TAFA4: variants seen among roughly 807,000 people sequenced by gnomAD.
TAFA4 encodes TAFA chemokine like family member 4.
TAFA4 carries 20 observed loss-of-function variants against 21.1 expected under a neutral mutation model. The ratio of observed to expected loss-of-function variants is 0.95; its 90% CI spans 0.67 to 1.38. TAFA4 has a LOEUF of 1.38. Ranked by LOEUF, TAFA4 falls within the 40% of genes most tolerant of loss-of-function variation. TAFA4 has a pLI of 0.00. For synonymous variants in TAFA4, 71 were observed against 67.4 expected, an observed-to-expected ratio of 1.05 and a Z score of -0.26; for missense variants, 211 against 180.9, an observed-to-expected ratio of 1.17 and a Z score of -0.95.
At chr3:68,847,459 CG>C (rs1475835581) in intron 3 of TAFA4, among the ~76,000 whole-genome samples, 3 of 152,206 alleles carry the variant, frequency 2.0e-5, no homozygotes, top group African/African-American at 7.2e-5. Flanking sequence ...TGGGCTCTGT[CG>C]GGGTGGGATC....
At chr3:68,783,709 A>G (rs59560372) in intron 3 of TAFA4, among the ~76,000 whole-genome samples, 5,318 of 68,430 alleles carry the variant, frequency 0.078, 174 homozygotes, top group Non-Finnish European at 0.1. Context: ...GAGAGAGAGA[A>G]AGAAAAAGAA....
chr3:68,805,914 C>T (rs1703688201), intron 3 of TAFA4, among the ~76,000 whole-genome samples: 1 of 151,876 alleles, frequency 6.6e-6, no homozygotes, highest in Admixed American at 6.6e-5. Flanking sequence ...ACGTAACAAA[C>T]CTGCACATTG....
At chr3:68,807,435 T>G (rs897508164) in intron 3 of TAFA4, among the ~76,000 whole-genome samples, 1 of 152,240 alleles carries the variant, frequency 6.6e-6, no homozygotes, top group East Asian at 1.9e-4. Flanking sequence ...TGGCCACAAG[T>G]AGACATTTTT....
At chr3:68,825,019 G>A (rs1704196198) in intron 3 of TAFA4, among the ~76,000 whole-genome samples, 2 of 152,128 alleles carry the variant, frequency 1.3e-5, no homozygotes, top group South Asian at 4.1e-4. Context: ...GGATATGCAG[G>A]TTTGTTACAT....
rs578187527 is a variant in TAFA4, at chr3:68,809,880, G to A, written c.131-56862C>T. 2.6e-5 allele frequency among the ~76,000 whole-genome samples: 4 copies of A among 152,276 alleles called. No homozygotes were observed. In the East Asian group the frequency reaches 7.7e-4, roughly 29 times the overall value. On this transcript the variant is annotated intron_variant, in intron 3 of 5. Coordinates refer to ENST00000295569, the MANE Select transcript of TAFA4 (RefSeq NM_182522.5). ...TCAAAAATCATTGGTCCGTAAATGT[G>A]TGGATTTATTTCTGGGCACTTTATT...
At chr3:68,744,068 T>G (rs892511174) in intron 4 of TAFA4, among the ~76,000 whole-genome samples, 2 of 152,208 alleles carry the variant, frequency 1.3e-5, no homozygotes, top group Non-Finnish European at 2.9e-5. Flanking sequence ...TTACATAGAA[T>G]TAGAGCTGAA....
chr3:68,910,139 G>C (rs144611955), intron 1 of TAFA4, among the ~76,000 whole-genome samples: 2 of 152,208 alleles, frequency 1.3e-5, no homozygotes, highest in Admixed American at 1.3e-4. Context: ...CAGCTAGCAA[G>C]GCAGAGTTTT....
chr3:68,844,716 T>C (rs1704745123), intron 3 of TAFA4, among the ~76,000 whole-genome samples: 2 of 152,232 alleles, frequency 1.3e-5, no homozygotes, highest in Non-Finnish European at 2.9e-5. Context: ...TGGAATGTTG[T>C]GTCTTTGTTC....
chr3:68,771,781 T>A (rs1702963089), intron 3 of TAFA4, among the ~76,000 whole-genome samples: 1 of 152,230 alleles, frequency 6.6e-6, no homozygotes, highest in Non-Finnish European at 1.5e-5. Flanking sequence ...TGCCACAGCA[T>A]AATGAATGCT....
intron 4 of TAFA4, among the ~76,000 whole-genome samples, chr3:68,748,988 T>C (rs904923812): frequency 2.0e-5 from 3 of 152,198 alleles, no homozygotes; most frequent in African/African-American, 7.2e-5. Flanking sequence ...GTTTCCACCA[T>C]AAAACAGACC....
chr3:68,884,337 C>T (rs935129913), intron 2 of TAFA4, among the ~76,000 whole-genome samples: 5 of 152,138 alleles, frequency 3.3e-5, no homozygotes, highest in Admixed American at 6.5e-5. Flanking sequence ...CATTTCTCCC[C>T]GCCTTCTCTG....
At chr3:68,822,596 C>T (rs541867886) in intron 3 of TAFA4, among the ~76,000 whole-genome samples, 7 of 152,266 alleles carry the variant, frequency 4.6e-5, no homozygotes, top group South Asian at 2.1e-4. Context: ...CTCGGCCTCC[C>T]GAGTAGCCTG....
At chr3:68,775,254 T>C (rs548857764) in intron 3 of TAFA4, among the ~76,000 whole-genome samples, 1 of 152,258 alleles carries the variant, frequency 6.6e-6, no homozygotes, top group South Asian at 2.1e-4. Flanking sequence ...ATGAGAAAGC[T>C]TGGGGACAGT....
intron 3 of TAFA4, among the ~76,000 whole-genome samples, chr3:68,869,344 T>C (rs1430197325): frequency 6.6e-6 from 1 of 151,962 alleles, no homozygotes; most frequent in African/African-American, 2.4e-5. Flanking sequence ...AGAGGTAATA[T>C]GTGCAAATTC....
chr3:68,874,351 T>C (rs1461206614), intron 3 of TAFA4, among the ~76,000 whole-genome samples: 1 of 152,172 alleles, frequency 6.6e-6, no homozygotes, highest in Non-Finnish European at 1.5e-5. Flanking sequence ...GACCAAAATA[T>C]TTAAAGCATC....
chr3:68,784,038 T>A (rs2106801511), intron 3 of TAFA4, among the ~76,000 whole-genome samples: 1 of 152,218 alleles, frequency 6.6e-6, no homozygotes, highest in African/African-American at 2.4e-5. Flanking sequence ...GTTTTAAAAA[T>A]CAATTAAGAA....
rs1348018956 is a variant in TAFA4, at chr3:68,873,333, G to GACACACACACACACACAC, written c.130+7396_130+7397insGTGTGTGTGTGTGTGTGT. On this transcript the variant is annotated intron_variant, in intron 3 of 5. Transcript: ENST00000295569. The stretch of plus-strand genomic sequence containing the variant: ...CACACACAACAGACAGACACACGCA[G>GACACACACACACACACAC]ACATACACACACACACACACACACA... Among the ~76,000 whole-genome samples the GACACACACACACACACAC allele has an allele frequency of 5.3e-4, 25 of 46,958 alleles. No individual in the cohort carries two copies. The East Asian group carries it at 0.012, about 23-fold the overall frequency. 30.8% of individuals were successfully genotyped at this position (46,958 alleles called of 152,430 possible).
At chr3:68,763,323 C>A (rs1702789886) in intron 3 of TAFA4, among the ~76,000 whole-genome samples, 1 of 152,108 alleles carries the variant, frequency 6.6e-6, no homozygotes, top group South Asian at 2.1e-4. Context: ...CCCTGAAAAG[C>A]CATGTAGCAA....
chr3:68,791,694 C>G (rs1006727903), intron 3 of TAFA4, among the ~76,000 whole-genome samples: 4 of 152,184 alleles, frequency 2.6e-5, no homozygotes, highest in African/African-American at 7.2e-5. Flanking sequence ...GTGCCTCACT[C>G]TCTTGTCATG....
Sources: gnomAD v4.1 joint callset for allele counts (sites outside exome capture counted in the v4.1 genomes callset) on GRCh38, gnomAD v4.1.1 for gene constraint, MANE v1.5 for transcripts, NCBI Gene and HGNC (gene_info 2026-07-23, HGNC 2026-07-21) for gene names.